SAMMSON: variants seen among roughly 807,000 people sequenced by gnomAD.
SAMMSON encodes survival associated mitochondrial melanoma specific oncogenic non-coding RNA.
At chr3:70,004,154 A>C (rs1235845737) in intron 1 of SAMMSON, among the ~76,000 whole-genome samples, 10 of 152,292 alleles carry the variant, frequency 6.6e-5, no homozygotes, top group Non-Finnish European at 1.5e-5. Flanking sequence ...ACACAGACAC[A>C]AGACACCTGT....
intron 6 of SAMMSON, among the ~76,000 whole-genome samples, chr3:70,275,528 CA>C (rs905497542): frequency 1.3e-5 from 2 of 151,970 alleles, no homozygotes; most frequent in African/African-American, 4.8e-5. Flanking sequence ...AAAAATAAAA[CA>C]AAACAAATCA....
chr3:70,353,065 CT>C (rs1185144063), intron 7 of SAMMSON, among the ~76,000 whole-genome samples: 1 of 151,892 alleles, frequency 6.6e-6, no homozygotes, highest in Non-Finnish European at 1.5e-5. Context: ...CTAAGTTTCA[CT>C]TTATATTTAA....
chr3:70,178,861 A>AC (rs201661903), intron 4 of SAMMSON, among the ~76,000 whole-genome samples: 1 of 151,904 alleles, frequency 6.6e-6, no homozygotes, highest in African/African-American at 2.4e-5. Flanking sequence ...ATACAAAAAA[A>AC]TTAGCTGGGC....
chr3:70,272,802 G>C (rs992443987), intron 6 of SAMMSON, among the ~76,000 whole-genome samples: 3 of 152,106 alleles, frequency 2.0e-5, no homozygotes, highest in African/African-American at 7.2e-5. Context: ...AATGAATATT[G>C]CTTGTTTCAC....
At chr3:70,341,023 G>T (rs1702707115) in intron 7 of SAMMSON, among the ~76,000 whole-genome samples, 1 of 152,154 alleles carries the variant, frequency 6.6e-6, no homozygotes, top group Non-Finnish European at 1.5e-5. Context: ...CAGGGTGGCT[G>T]TGTAATTAAA....
At chr3:70,117,750 T>C (rs1213405959) in intron 4 of SAMMSON, among the ~76,000 whole-genome samples, 1 of 152,148 alleles carries the variant, frequency 6.6e-6, no homozygotes, top group African/African-American at 2.4e-5. Flanking sequence ...AGATACCTGC[T>C]TGGTCCACAG....
At chr3:70,175,178 T>A (rs950092811) in intron 4 of SAMMSON, among the ~76,000 whole-genome samples, 3 of 152,108 alleles carry the variant, frequency 2.0e-5, no homozygotes, top group Non-Finnish European at 4.4e-5. Flanking sequence ...GCTAATGATA[T>A]GAATATAGGT....
chr3:70,048,432 C>A (rs906088636), intron 3 of SAMMSON, among the ~76,000 whole-genome samples: 2 of 151,972 alleles, frequency 1.3e-5, no homozygotes. Flanking sequence ...ATTTTTATTA[C>A]AATCCTTGGC....
chr3:70,387,330 C>T (rs535602076), intron 9 of SAMMSON, among the ~76,000 whole-genome samples: 16 of 152,108 alleles, frequency 1.1e-4, no homozygotes, highest in African/African-American at 3.9e-4. Flanking sequence ...TCTTTGTATA[C>T]TTTATAAAAG....
At chr3:70,028,643 T>G (rs1282232382) in intron 3 of SAMMSON, among the ~76,000 whole-genome samples, 1 of 152,186 alleles carries the variant, frequency 6.6e-6, no homozygotes, top group Admixed American at 6.5e-5. Flanking sequence ...TAGAAGACAT[T>G]CCTTTGGGCT....
chr3:70,417,779 A>G (rs1318217312), intron 2 of SAMMSON, among the ~76,000 whole-genome samples: 1 of 152,070 alleles, frequency 6.6e-6, no homozygotes, highest in Admixed American at 6.5e-5. Flanking sequence ...CTACAAAAGG[A>G]TTCTGATTGG....
chr3:70,297,667 C>T (rs976422291), intron 7 of SAMMSON, among the ~76,000 whole-genome samples: 20 of 151,920 alleles, frequency 1.3e-4, no homozygotes, highest in Non-Finnish European at 1.3e-4. Context: ...TTATGTAAAA[C>T]GAGGAGTTAA....
intron 9 of SAMMSON, among the ~76,000 whole-genome samples, chr3:70,380,331 T>C (rs1394770473): frequency 1.3e-5 from 2 of 152,076 alleles, no homozygotes; most frequent in African/African-American, 4.8e-5. Context: ...AAAAAAGAGA[T>C]ACGAGTACAA....
At chr3:70,018,690 A>G (rs1335702460) in intron 3 of SAMMSON, among the ~76,000 whole-genome samples, 8 of 151,958 alleles carry the variant, frequency 5.3e-5, no homozygotes, top group African/African-American at 1.9e-4. Flanking sequence ...TCAATTTTAG[A>G]TCTTTCCTGC....
At chr3:70,234,952 G>T (rs1701593589) in intron 4 of SAMMSON, among the ~76,000 whole-genome samples, 1 of 152,112 alleles carries the variant, frequency 6.6e-6, no homozygotes, top group Non-Finnish European at 1.5e-5. Flanking sequence ...ATTTGGTCTG[G>T]AGTGCAGTCT....
intron 9 of SAMMSON, among the ~76,000 whole-genome samples, chr3:70,388,927 G>A (rs1701017011): frequency 6.6e-6 from 1 of 152,092 alleles, no homozygotes; most frequent in South Asian, 2.1e-4. Flanking sequence ...TGGATCATGG[G>A]GGCAAATCTC....
At chr3:70,109,215 C>A (rs1163346773) in intron 4 of SAMMSON, among the ~76,000 whole-genome samples, 1 of 152,018 alleles carries the variant, frequency 6.6e-6, no homozygotes, top group Non-Finnish European at 1.5e-5. Flanking sequence ...CTTTACTGCC[C>A]ACTCACATAA....
chr3:70,226,977 C>A (rs891575774), intron 4 of SAMMSON, among the ~76,000 whole-genome samples: 1 of 152,218 alleles, frequency 6.6e-6, no homozygotes. Flanking sequence ...GGCACTGGAG[C>A]AGTGGCTCTT....
Position 70,125,376 on chromosome 3 carries a change from G to T in SAMMSON, n.507+53811G>T, listed in dbSNP as rs2067452598. The T allele has an allele frequency of 4.8e-6, 7 of 1,449,172 alleles. No homozygotes were observed. In the Admixed American group the frequency reaches 9.9e-5, roughly 20 times the overall value. 89.8% of individuals were successfully genotyped at this position (1,449,172 alleles called of 1,614,324 possible). On this transcript the variant is annotated intron_variant and non_coding_transcript_variant, in intron 4 of 9. Transcript: ENST00000642114. ...TAAATTCTACAGTTTGGTTCACCAG[G>T]TTCATAACTTCTGAAAACTGAAAGT... is the stretch of plus-strand genomic sequence containing the variant.
Sources: allele counts gnomAD v4.1 joint callset (sites outside exome capture counted in the v4.1 genomes callset), GRCh38; gene constraint gnomAD v4.1.1; transcripts MANE v1.5; gene names NCBI Gene and HGNC (gene_info 2026-07-23, HGNC 2026-07-21).